FDFT1: variants seen among roughly 807,000 people sequenced by gnomAD.
FDFT1 encodes the protein squalene synthase.
Under a neutral mutation model 46.8 loss-of-function variants are expected in FDFT1, and 68 were observed. The ratio of observed to expected loss-of-function variants is 1.45; its 90% CI spans 1.19 to 1.78. FDFT1 has a LOEUF of 1.78. Among genes scored for constraint, FDFT1 ranks in the 40% most tolerant of loss-of-function variants. The pLI, the probability that FDFT1 is intolerant of heterozygous loss-of-function variation, is 0.00. For missense variants in FDFT1, 928 were observed against 524.4 expected (o/e 1.77, Z -7.52); for synonymous variants, 351 against 185.1 (o/e 1.90, Z -7.28).
Position 11,826,132 on chromosome 8 carries a change from A to C in FDFT1, c.619A>C (p.Met207Leu), listed in dbSNP as rs376734953. ...TGAAGATACAGAACGTGCCAACTCT[A>C]TGGGCCTGTTTTTGCAGAAAACAAA... ...VGEDTERANSMGLFLQKTNII... is the reference protein window; with the variant it reads ...VGEDTERANSLGLFLQKTNII... The change falls in exon 5 of 8, where the codon ATG becomes CTG. Residue 207 changes from methionine to leucine, a missense_variant. Physicochemically the swap from Met to Leu is conservative, Grantham distance 15 (BLOSUM62 2). Coordinates refer to ENST00000220584, the MANE Select transcript of FDFT1 (RefSeq NM_004462.5). 2 of 1,609,490 alleles carry C rather than the reference A, an allele frequency of 1.2e-6. No individual in the cohort carries two copies. The highest frequency in any genetic ancestry group is 1.7e-6 in the Non-Finnish European group (2 of 1,176,470).
rs73207296 is a variant in FDFT1, at chr8:11,830,414, T to A, written c.873T>A (p.Ile291=). The change falls in exon 6 of 8, where the codon ATT becomes ATA. Residue 291 remains isoleucine (I), a synonymous_variant. Coordinates refer to ENST00000220584, the MANE Select transcript of FDFT1 (RefSeq NM_004462.5). The part of the protein sequence containing the change: ...RNQSVFNFCA[I]PQVMAIATLA... ...AGAGTGTGTTTAACTTCTGTGCTAT[T>A]CCACAGGTAGGGAAGGGGGCTCCTC... 0.017 allele frequency: 27,758 copies of A among 1,612,548 alleles called. 388 individuals carry two copies. The highest frequency in any genetic ancestry group is 0.02 in the Non-Finnish European group (23,874 of 1,178,898).
chr8:11,804,875 C>T (rs12542839), intron 1 of FDFT1, among the ~76,000 whole-genome samples: 1,855 of 148,632 alleles, frequency 0.012, 55 homozygotes, highest in Admixed American at 0.057. Flanking sequence ...TCCCAAAGTG[C>T]TAGGATTACA....
intron 6 of FDFT1, 126 bp downstream of exon 6, chr8:11,830,546 C>A: frequency 1.4e-6 from 1 of 691,752 alleles, no homozygotes; most frequent in Non-Finnish European, 2.4e-6. Context: ...CAGTTTATTA[C>A]GCTGGGAGTT....
At chr8:11,799,881 G>C (rs899833654), upstream of FDFT1, among the ~76,000 whole-genome samples, 6 of 150,122 alleles carry the variant, frequency 4.0e-5, no homozygotes, top group Non-Finnish European at 8.9e-5. Flanking sequence ...GGGAGCCAGA[G>C]GTTGCAGTGA....
At chr8:11,799,042 A>T (rs921331245), upstream of FDFT1, among the ~76,000 whole-genome samples, 1 of 152,252 alleles carries the variant, frequency 6.6e-6, no homozygotes, top group Non-Finnish European at 1.5e-5. Flanking sequence ...GGAGCTACGA[A>T]TATTTATGAT....
rs767284179 is a variant in FDFT1, at chr8:11,830,436, C to T, written c.879+16C>T. The T allele has an allele frequency of 2.8e-5, 45 of 1,593,814 alleles. No homozygotes were observed. The East Asian group carries it at 4.5e-4, about 16-fold the overall frequency. ...TATTCCACAGGTAGGGAAGGGGGCT[C>T]CTCTGGGTGGATACGGGGCTAAAGG... On this transcript the variant is annotated intron_variant, in intron 6 of 7. Transcript: ENST00000220584.
rs367935206 is a variant in FDFT1 at position 11,809,765 on chromosome 8, A to G, written c.296A>G (p.Asn99Ser). The part of the protein sequence containing the change: ...SVEKKVPLLH[N>S]FHSFLYQPDW... ...GAAAAGAAGGTCCCGCTGTTACACAACTTTCACTCTTTCCTTTACCAACCA... is the reference window on the plus strand; with the variant it reads ...GAAAAGAAGGTCCCGCTGTTACACAGCTTTCACTCTTTCCTTTACCAACCA... The change falls in exon 3 of 8, where the codon AAC (asparagine) becomes AGC (serine). Residue 99 changes from asparagine to serine, a missense_variant. Transcript: ENST00000220584. The G allele has an allele frequency of 1.4e-5, 22 of 1,614,040 alleles. No homozygotes were observed. The highest frequency in any genetic ancestry group is 1.3e-4 in the African/African-American group (10 of 74,926).
rs201618620 is a variant in FDFT1, at chr8:11,838,526, A to G, written c.1171A>G (p.Met391Val). 4 of 1,609,630 alleles carry G rather than the reference A, an allele frequency of 2.5e-6. No homozygotes were observed. In the African/African-American group the frequency reaches 4.0e-5, roughly 16 times the overall value. ...CTCCCCCATCTACCTGTCGTTTGTC[A>G]TGCTTTTGGCTGCCCTGAGCTGGCA... Reference protein sequence around the residue: ...HYSPIYLSFVMLLAALSWQYL... With the variant: ...HYSPIYLSFVVLLAALSWQYL... Residue 391 changes from methionine to valine, a missense_variant, in exon 8 of 8, where the codon ATG becomes GTG. By Grantham distance (21) the Met-to-Val change is conservative. Transcript: ENST00000220584.
chr8:11,818,493 T>G (rs1261739835), intron 3 of FDFT1, among the ~76,000 whole-genome samples: 1 of 152,200 alleles, frequency 6.6e-6, no homozygotes, highest in Non-Finnish European at 1.5e-5. Flanking sequence ...AATGAGAGAC[T>G]TTAAGTCTTT....
intron 3 of FDFT1, 91 bp from the exon 4 acceptor site, chr8:11,821,659 T>A: frequency 6.9e-7 from 1 of 1,439,542 alleles, no homozygotes; most frequent in Non-Finnish European, 9.7e-7. Flanking sequence ...ATTGCAGTCA[T>A]GATTAATTCC....
chr8:11,834,729 C>T (rs1410250503), intron 7 of FDFT1, among the ~76,000 whole-genome samples: 7 of 152,192 alleles, frequency 4.6e-5, no homozygotes, highest in South Asian at 2.1e-4. Flanking sequence ...ACTGCTGAGA[C>T]GTGGAAGTAC....
intron 2 of FDFT1, 141 bp from the exon 3 acceptor site, chr8:11,809,526 A>T (rs1468619981): frequency 1.5e-6 from 2 of 1,314,848 alleles, no homozygotes; most frequent in East Asian, 5.4e-5. Flanking sequence ...TTCGTTAAGT[A>T]TGAAAAGCGT....
At chr8:11,803,357 C>T (rs987176973) in intron 1 of FDFT1, 2 of 1,290,536 alleles carry the variant, frequency 1.5e-6, no homozygotes, top group Middle Eastern at 2.1e-4. Flanking sequence ...GGAATGAAGT[C>T]TGACTCCTCC....
intron 2 of FDFT1, chr8:11,809,364 C>A (rs762130722): frequency 2.2e-4 from 251 of 1,128,462 alleles, no homozygotes; most frequent in Non-Finnish European, 2.6e-4. Flanking sequence ...CATATTAGTT[C>A]GGTCTAAACG....
intron 3 of FDFT1, among the ~76,000 whole-genome samples, chr8:11,819,105 C>T (rs985811868): frequency 6.6e-6 from 1 of 152,148 alleles, no homozygotes; most frequent in Non-Finnish European, 1.5e-5. Context: ...TTCTCCTTCA[C>T]TTGTGAAACT....
At chr8:11,807,128 A>G (rs1806957055) in intron 1 of FDFT1, among the ~76,000 whole-genome samples, 1 of 152,028 alleles carries the variant, frequency 6.6e-6, no homozygotes, top group South Asian at 2.1e-4. Flanking sequence ...GATATGCCAT[A>G]TTTTTTTAAC....
At chr8:11,815,601 T>G (rs910425296) in intron 3 of FDFT1, among the ~76,000 whole-genome samples, 1 of 152,240 alleles carries the variant, frequency 6.6e-6, no homozygotes, top group Admixed American at 6.5e-5. Context: ...TGGTTTTGAT[T>G]TGCATTTCTC....
chr8:11,807,713 G>T (rs889612037), intron 1 of FDFT1, among the ~76,000 whole-genome samples: 6 of 152,220 alleles, frequency 3.9e-5, no homozygotes, highest in Admixed American at 2.6e-4. Flanking sequence ...GAAGAGTAAA[G>T]GTCAGTGCGC....
chr8:11,830,844 C>G (rs545784493), intron 6 of FDFT1, among the ~76,000 whole-genome samples: 1 of 152,192 alleles, frequency 6.6e-6, no homozygotes, highest in African/African-American at 2.4e-5. Context: ...GTAGACCTAG[C>G]CTCTCAGTAT....
Sources: gnomAD v4.1 joint callset for allele counts (sites outside exome capture counted in the v4.1 genomes callset) on GRCh38, gnomAD v4.1.1 for gene constraint, MANE v1.5 for transcripts, NCBI Gene and HGNC (gene_info 2026-07-23, HGNC 2026-07-21) for gene names.